TOM1: variants seen among roughly 807,000 people sequenced by gnomAD.
TOM1 encodes target of Myb protein 1.
A neutral mutation model predicts 61.3 loss-of-function variants in TOM1; 38 were observed. The ratio of observed to expected loss-of-function variants is 0.62; its 90% CI spans 0.48 to 0.81. The LOEUF is 0.81. TOM1 is among the 40% of genes least tolerant of loss of function. TOM1 has a pLI of 0.00. For missense variants in TOM1, 591 were observed against 659.6 expected (o/e 0.90, Z 1.14); for synonymous variants, 270 against 268.8 (o/e 1.00, Z -0.04).
At chr22:35,342,072 T>G (rs907115535) in intron 12 of TOM1, among the ~76,000 whole-genome samples, 1 of 151,920 alleles carries the variant, frequency 6.6e-6, no homozygotes, top group Admixed American at 6.6e-5. Context: ...ACCCAGGAGT[T>G]TGAGGTTATC....
In TOM1 at chr22:35,338,786, G is replaced by C; in HGVS notation, c.1222G>C (p.Ala408Pro). Residue 408 changes from alanine to proline, a missense_variant and splice_region_variant, in exon 12 of 15, where the codon GCG (alanine) becomes CCG (proline). Coordinates refer to ENST00000449058, the MANE Select transcript of TOM1 (RefSeq NM_005488.3). The stretch of plus-strand genomic sequence containing the variant: ...GGACGCCCGGCAGCAGAGCACTGGC[G>C]CGGTAAGCAGAGGGGCCATCCTGCC... ...ALDARQQSTGAIPVTQACLME... is the reference protein window; with the variant it reads ...ALDARQQSTGPIPVTQACLME... 1.9e-6 allele frequency: 3 copies of C among 1,588,398 alleles called. No homozygotes were observed. Among genetic ancestry groups the C allele is most frequent in the Non-Finnish European group, 1.7e-6 (2 of 1,169,476 alleles).
At chr22:35,343,576 ACT>A (rs1247989988) in intron 12 of TOM1, among the ~76,000 whole-genome samples, 16 of 130,726 alleles carry the variant, frequency 1.2e-4, no homozygotes, top group African/African-American at 4.5e-4. Flanking sequence ...CCACACCTAC[ACT>A]CATACACCTA....
chr22:35,323,385 TAAAAA>T lies in TOM1; in HGVS notation c.367-100_367-96del. ...GTGGAGTGGGCAGGGCAGATGTAGTTAAAAAAAAAAAAAAAGCAGGGAAAGAATGT... is the reference window on the plus strand; with the variant it reads ...GTGGAGTGGGCAGGGCAGATGTAGTTAAAAAAAAAAGCAGGGAAAGAATGT... On this transcript the variant is annotated intron_variant, in intron 4 of 14. Coordinates refer to ENST00000449058, the MANE Select transcript of TOM1 (RefSeq NM_005488.3). The surrounding 1 kb of genome is among the most constrained non-coding windows in gnomAD (Gnocchi z 4.2). 1 of 1,306,032 alleles carries T rather than the reference TAAAAA, an allele frequency of 7.7e-7. No individual in the cohort carries two copies. Among genetic ancestry groups the T allele is most frequent in the Non-Finnish European group, 1.0e-6 (1 of 963,966 alleles). 80.9% of individuals were successfully genotyped at this position (1,306,032 alleles called of 1,614,324 possible).
chr22:35,340,562 C>T (rs1601713497), intron 12 of TOM1, among the ~76,000 whole-genome samples: 1 of 152,038 alleles, frequency 6.6e-6, no homozygotes. Context: ...ACCTGGGCAA[C>T]ATGGGGAAAC....
intron 12 of TOM1, among the ~76,000 whole-genome samples, chr22:35,339,596 G>A (rs1601712106): frequency 6.6e-6 from 1 of 152,248 alleles, no homozygotes; most frequent in African/African-American, 2.4e-5. Context: ...AGGAGTGTGG[G>A]CAGAGAGGAA....
At position 35,339,072 on chromosome 22, in the gene TOM1, T is replaced by C. The variant is rs370472618; in HGVS notation, c.1224+284T>C. Among the ~76,000 whole-genome samples the C allele has an allele frequency of 1.1e-4, 16 of 152,290 alleles. No individual in the cohort carries two copies. The East Asian group carries it at 2.5e-3, about 24-fold the overall frequency. ...CAGGCCGGGCGTGGTGGCTCACACC[T>C]GTAATCCCAGCACTTCGGGAGGCTG... On this transcript the variant is annotated intron_variant, in intron 12 of 14. Transcript: ENST00000449058.
At chr22:35,318,681 C>G (rs974912115) in intron 2 of TOM1, among the ~76,000 whole-genome samples, 2 of 152,210 alleles carry the variant, frequency 1.3e-5, no homozygotes, top group Non-Finnish European at 2.9e-5. Flanking sequence ...GCAATAAGCC[C>G]GAGTCCCTGG....
chr22:35,322,829 T>C (rs1034997025), intron 3 of TOM1, among the ~76,000 whole-genome samples, 199 bp from the exon 4 acceptor site: 18 of 152,182 alleles, frequency 1.2e-4, no homozygotes, highest in African/African-American at 4.1e-4. Context: ...CTGCCCACCC[T>C]AGGCCGTGCC....
chr22:35,346,864 A>C, intron 13 of TOM1, 66 bp from the exon 14 acceptor site: 1 of 1,484,548 alleles, frequency 6.7e-7, no homozygotes, highest in Non-Finnish European at 9.3e-7. Flanking sequence ...CTGCAGCACC[A>C]CTGCCCCAGG....
At chr22:35,318,272 C>G (rs1927481260) in intron 2 of TOM1, 4 of 449,616 alleles carry the variant, frequency 8.9e-6, no homozygotes, top group Non-Finnish European at 1.2e-5. Context: ...AAGCTGGAGA[C>G]TCTTAATCAG....
At chr22:35,303,065 A>G (rs1329433252) in intron 1 of TOM1, among the ~76,000 whole-genome samples, 2 of 152,048 alleles carry the variant, frequency 1.3e-5, no homozygotes, top group African/African-American at 2.4e-5. Flanking sequence ...TGGTGATTCT[A>G]ATGATGCTAA....
chr22:35,334,238 C>T, intron 10 of TOM1, 90 bp from the exon 11 acceptor site: 1 of 1,520,140 alleles, frequency 6.6e-7, no homozygotes, highest in Admixed American at 2.1e-5. Context: ...TCCCCAGCAC[C>T]AAGCCCTGGG....
rs1268155020 is a variant in TOM1 at position 35,309,635 on chromosome 22, C to A, written c.53-8242C>A. On this transcript the variant is annotated intron_variant, in intron 1 of 14. Coordinates refer to ENST00000449058, the MANE Select transcript of TOM1 (RefSeq NM_005488.3). ...CTCCAGCCTGGGCAACAGAGTGAGA[C>A]TCCATCTCAAAAAAAAAAAAAAAAA... is the stretch of plus-strand genomic sequence containing the variant. 5.3e-4 allele frequency among the ~76,000 whole-genome samples: 68 copies of A among 127,290 alleles called. 1 individual carries two copies. Among genetic ancestry groups the A allele is most frequent in the Non-Finnish European group, 9.8e-4 (56 of 57,210 alleles). 83.5% of individuals were successfully genotyped at this position (127,290 alleles called of 152,430 possible). A position where few individuals can be genotyped will look rare whatever the true frequency, so the allele number is the denominator to read the frequency against.
At chr22:35,319,874 G>A (rs191814673) in intron 2 of TOM1, among the ~76,000 whole-genome samples, 83 of 152,324 alleles carry the variant, frequency 5.4e-4, no homozygotes, top group African/African-American at 1.9e-3. Flanking sequence ...TTCCACCGCA[G>A]GCCTGACCGC....
At chr22:35,310,694 A>T (rs1475759010) in intron 1 of TOM1, among the ~76,000 whole-genome samples, 1 of 152,248 alleles carries the variant, frequency 6.6e-6, no homozygotes, top group Non-Finnish European at 1.5e-5. Context: ...TGGTGAATAC[A>T]GCCTCATCTT....
At chr22:35,313,356 A>AG (rs1482332031) in intron 1 of TOM1, among the ~76,000 whole-genome samples, 1 of 150,364 alleles carries the variant, frequency 6.7e-6, no homozygotes, top group Non-Finnish European at 1.5e-5. Flanking sequence ...AAAAAAAAAA[A>AG]GAAAGAAAGG....
At chr22:35,343,807 CCTA>C (rs1930244909) in intron 12 of TOM1, among the ~76,000 whole-genome samples, 4 of 148,748 alleles carry the variant, frequency 2.7e-5, no homozygotes, top group Non-Finnish European at 4.5e-5. Flanking sequence ...CCTACCCACA[CCTA>C]CACCTACACA....
rs760037000 is a variant in TOM1, at chr22:35,322,049, A to G, written c.216+12A>G. On this transcript the variant is annotated intron_variant, in intron 3 of 14. Coordinates refer to ENST00000449058, the MANE Select transcript of TOM1 (RefSeq NM_005488.3). ...TGCTGGCTCTCACAGTGAGTGCCCC[A>G]TCTGTCTGTCCTGTGGCAGGACTAC... The G allele has an allele frequency of 1.9e-6, 3 of 1,612,944 alleles. No individual in the cohort carries two copies. The Admixed American group carries it at 5.0e-5, about 27-fold the overall frequency.
chr22:35,322,980 C>T, intron 3 of TOM1, 48 bp from the exon 4 acceptor site: 1 of 1,601,350 alleles, frequency 6.2e-7, no homozygotes, highest in South Asian at 1.1e-5. Context: ...TTCTGAGCAC[C>T]TCCTCTCCTC....
Sources: allele counts gnomAD v4.1 joint callset (sites outside exome capture counted in the v4.1 genomes callset), GRCh38; gene constraint gnomAD v4.1.1; non-coding constraint Gnocchi (gnomAD v3.1); transcripts MANE v1.5; gene names NCBI Gene and HGNC (gene_info 2026-07-23, HGNC 2026-07-21).